The following NUAK1 variants were observed in gnomAD, a reference collection of about 807,000 sequenced individuals.
NUAK1 encodes NUAK family kinase 1.
Under a neutral mutation model 56.9 loss-of-function variants are expected in NUAK1, and 26 were observed. The observed-to-expected ratio is 0.46, with a 90% CI of 0.33 to 0.63. The LOEUF is 0.63. Among genes scored for constraint, NUAK1 ranks in the 30% least tolerant of loss-of-function variants. The pLI, the probability that NUAK1 is intolerant of heterozygous loss-of-function variation, is 0.02. For missense variants in NUAK1, 727 were observed against 876.1 expected (o/e 0.83, Z 2.15); for synonymous variants, 337 against 336.0 (o/e 1.00, Z -0.03).
intron 2 of NUAK1, among the ~76,000 whole-genome samples, chr12:106,099,941 C>T (rs1299869059): frequency 6.6e-6 from 1 of 151,342 alleles, no homozygotes; most frequent in Non-Finnish European, 1.5e-5. Flanking sequence ...CAGGCATGCA[C>T]CATCACGTCC....
intron 2 of NUAK1, chr12:106,103,475 T>C (rs1373678443): frequency 6.6e-6 from 1 of 152,084 alleles, no homozygotes; most frequent in East Asian, 1.9e-4. Flanking sequence ...TTCTAGAAAT[T>C]CCCCTCATTC....
At chr12:106,079,839 T>C (rs1034896391) in intron 4 of NUAK1, among the ~76,000 whole-genome samples, 1 of 152,232 alleles carries the variant, frequency 6.6e-6, no homozygotes, top group Admixed American at 6.5e-5. Flanking sequence ...TCATTATCAC[T>C]GCTAGTTTAA....
At chr12:106,084,196 A>G (rs2032549348) in intron 3 of NUAK1, among the ~76,000 whole-genome samples, 1 of 152,214 alleles carries the variant, frequency 6.6e-6, no homozygotes, top group South Asian at 2.1e-4. Flanking sequence ...CAGAGCCTGT[A>G]AAACAGCAGG....
At position 106,138,004 on chromosome 12, in the gene NUAK1, G is replaced by GGGCTA. The variant is rs1193773449; in HGVS notation, c.240+405_240+409dup. The stretch of plus-strand genomic sequence containing the variant: ...ACACCTACAAAACACCGGACTTGAG[G>GGGCTA]GGCTAGCTCCTAGCTGGGAATGTGG... On this transcript the variant is annotated intron_variant, in intron 1 of 6. Coordinates refer to ENST00000261402, the MANE Select transcript of NUAK1 (RefSeq NM_014840.3). This position sits in a 1 kb window ranked among gnomAD's most constrained non-coding sequence, Gnocchi z 5.0. Among the ~76,000 whole-genome samples, 1 of 152,180 alleles carries GGGCTA rather than the reference G, an allele frequency of 6.6e-6. No individual in the cohort carries two copies.
intron 1 of NUAK1, among the ~76,000 whole-genome samples, chr12:106,126,971 G>A (rs1050286682): frequency 3.9e-5 from 6 of 152,164 alleles, no homozygotes; most frequent in Admixed American, 2.0e-4. Flanking sequence ...CTGCCCAGCA[G>A]AACATGAGCT....
At chr12:106,133,234 C>T (rs1056903885) in intron 1 of NUAK1, among the ~76,000 whole-genome samples, 7 of 152,088 alleles carry the variant, frequency 4.6e-5, no homozygotes, top group Admixed American at 1.3e-4. Flanking sequence ...CCTTGGAATG[C>T]CCCACATTCC....
chr12:106,072,496 C>T (rs2032416119), intron 5 of NUAK1, among the ~76,000 whole-genome samples: 1 of 152,122 alleles, frequency 6.6e-6, no homozygotes, highest in Non-Finnish European at 1.5e-5. Flanking sequence ...ATTATCTTTT[C>T]TAGGGGGATG....
chr12:106,131,949 G>T (rs184035670), intron 1 of NUAK1, among the ~76,000 whole-genome samples: 1 of 152,112 alleles, frequency 6.6e-6, no homozygotes, highest in South Asian at 2.1e-4. Context: ...CTACAATGTC[G>T]TCTGGGCCAG....
At chr12:106,098,819 A>T (rs1430477170) in intron 2 of NUAK1, among the ~76,000 whole-genome samples, 2 of 152,176 alleles carry the variant, frequency 1.3e-5, no homozygotes. Context: ...TTGATGTTTG[A>T]ACTTCGGTCC....
chr12:106,130,485 G>A (rs2033066496), intron 1 of NUAK1, among the ~76,000 whole-genome samples: 1 of 152,228 alleles, frequency 6.6e-6, no homozygotes. Flanking sequence ...GAAAAGAAGA[G>A]CAGGTGTGTT....
At chr12:106,136,669 A>C (rs1041440010) in intron 1 of NUAK1, among the ~76,000 whole-genome samples, 2 of 152,270 alleles carry the variant, frequency 1.3e-5, no homozygotes, top group African/African-American at 2.4e-5. Flanking sequence ...ACAACCCCTC[A>C]TAGCCTCACA....
At chr12:106,102,736 C>T (rs2032761635) in intron 2 of NUAK1, among the ~76,000 whole-genome samples, 1 of 152,122 alleles carries the variant, frequency 6.6e-6, no homozygotes, top group African/African-American at 2.4e-5. Context: ...AATGGTCATC[C>T]CCATTTTACA....
intron 6 of NUAK1, among the ~76,000 whole-genome samples, chr12:106,068,349 G>C (rs2032366864): frequency 6.6e-6 from 1 of 152,230 alleles, no homozygotes; most frequent in Non-Finnish European, 1.5e-5. Flanking sequence ...AGGAAAAACA[G>C]GTGTAGATAA....
rs73397174 is a variant in NUAK1, at chr12:106,110,086, C to T, written c.241-3561G>A. 5.2e-3 allele frequency among the ~76,000 whole-genome samples: 793 copies of T among 152,268 alleles called. 3 individuals are homozygous for T. The highest frequency in any genetic ancestry group is 0.014 in the African/African-American group (599 of 41,554). On this transcript the variant is annotated intron_variant, in intron 1 of 6. Transcript: ENST00000261402. ...AGGAAGATCAGATCAGCTGGTTACA[C>T]ACCATTATCAGCAGGGCTCCTGAGT...
Position 106,066,998 on chromosome 12 carries a change from C to A in NUAK1, c.1790G>T (p.Arg597Leu). 6.2e-7 allele frequency: 1 copy of A among 1,614,206 alleles called. No homozygotes were observed. The highest frequency in any genetic ancestry group is 8.5e-7 in the Non-Finnish European group (1 of 1,180,044). ...TTCTGCAGAGACGCAGCTGCGGATG[C>A]GCTGGCGGGCAGGGCGATTCTCCTG... The part of the protein sequence containing the change: ...DLQENRPARQ[R>L]IRSCVSAENF... Residue 597 changes from arginine (R) to leucine (L), a missense_variant, in exon 7 of 7, where the codon CGC (arginine) becomes CTC (leucine). Physicochemically the swap from Arg to Leu is moderately radical, Grantham distance 102. Coordinates refer to ENST00000261402, the MANE Select transcript of NUAK1 (RefSeq NM_014840.3).
intron 1 of NUAK1, among the ~76,000 whole-genome samples, chr12:106,130,874 G>A (rs750915986): frequency 5.3e-5 from 8 of 152,186 alleles, no homozygotes; most frequent in Non-Finnish European, 1.0e-4. Context: ...TGTCACCTCG[G>A]TGCTTCCTCT....
chr12:106,117,085 C>T (rs61940218), intron 1 of NUAK1, among the ~76,000 whole-genome samples: 1 of 152,212 alleles, frequency 6.6e-6, no homozygotes, highest in African/African-American at 2.4e-5. Context: ...CAGCCCCTCC[C>T]TATTCACTCT....
chr12:106,089,324 A>G (rs553681622), intron 2 of NUAK1, among the ~76,000 whole-genome samples: 1 of 152,364 alleles, frequency 6.6e-6, no homozygotes, highest in South Asian at 2.1e-4. Context: ...GGTGTGAGCC[A>G]CTTGCCTCAC....
At chr12:106,132,033 A>T (rs1162619175) in intron 1 of NUAK1, among the ~76,000 whole-genome samples, 1 of 152,206 alleles carries the variant, frequency 6.6e-6, no homozygotes, top group Non-Finnish European at 1.5e-5. Flanking sequence ...CAGGACTTTC[A>T]TGTGGGAAAG....
Sources: gnomAD v4.1 joint callset for allele counts (sites outside exome capture counted in the v4.1 genomes callset) on GRCh38, gnomAD v4.1.1 for gene constraint, Gnocchi (gnomAD v3.1) non-coding constraint, MANE v1.5 for transcripts, NCBI Gene and HGNC (gene_info 2026-07-23, HGNC 2026-07-21) for gene names.